Variants in LTBP1 observed in about 807,000 individuals in gnomAD.
LTBP1 encodes the protein latent transforming growth factor beta binding protein 1.
LTBP1 carries 129 observed loss-of-function variants against 207.6 expected under a neutral mutation model. The ratio of observed to expected loss-of-function variants is 0.62; its 90% CI spans 0.54 to 0.72. The LOEUF is 0.72. LTBP1 is among the 30% of genes least tolerant of loss of function. The pLI is 0.00. For missense variants in LTBP1, 2,281 were observed against 2,217.2 expected, an observed-to-expected ratio of 1.03 and a Z score of -0.58; for synonymous variants, 963 against 833.7, an observed-to-expected ratio of 1.16 and a Z score of -2.67.
chr2:33,351,600 C>T (rs2094782775), intron 26 of LTBP1, among the ~76,000 whole-genome samples: 1 of 152,186 alleles, frequency 6.6e-6, no homozygotes, highest in Non-Finnish European at 1.5e-5. Context: ...AACCGTTTTC[C>T]ATTTGACCTT....
intron 5 of LTBP1, among the ~76,000 whole-genome samples, chr2:33,162,178 G>C (rs2084526872): frequency 6.6e-6 from 1 of 152,202 alleles, no homozygotes; most frequent in Non-Finnish European, 1.5e-5. Context: ...TAAGGTACCA[G>C]AATAAAGGGT....
At chr2:33,242,585 T>G (rs927030121) in intron 9 of LTBP1, among the ~76,000 whole-genome samples, 1 of 152,048 alleles carries the variant, frequency 6.6e-6, no homozygotes, top group African/African-American at 2.4e-5. Flanking sequence ...TTTTTTTCCT[T>G]TTTTCTTAGA....
chr2:33,081,383 C>T (rs1302038883), intron 3 of LTBP1, among the ~76,000 whole-genome samples: 3 of 151,936 alleles, frequency 2.0e-5, no homozygotes, highest in Admixed American at 6.6e-5. Flanking sequence ...ACACATGTGC[C>T]CACATGTATG....
intron 3 of LTBP1, chr2:33,061,523 T>G (rs1003718323): frequency 6.6e-6 from 1 of 152,146 alleles, no homozygotes; most frequent in African/African-American, 2.4e-5. Context: ...TTCACCATAC[T>G]TTTCACTATT....
chr2:32,978,280 C>T (rs1450707994), intron 2 of LTBP1, among the ~76,000 whole-genome samples: 2 of 152,146 alleles, frequency 1.3e-5, no homozygotes. Context: ...AGTGGGCCTC[C>T]TTGTCTTGTT....
At chr2:33,227,423 T>C (rs1269155500) in intron 9 of LTBP1, among the ~76,000 whole-genome samples, 1 of 152,186 alleles carries the variant, frequency 6.6e-6, no homozygotes, top group Non-Finnish European at 1.5e-5. Context: ...ATCAGGAATT[T>C]GACAGTTTAA....
At chr2:33,173,444 G>T (rs141184522) in intron 5 of LTBP1, among the ~76,000 whole-genome samples, 65,539 of 151,910 alleles carry the variant, frequency 0.43, 14,864 homozygotes, top group Non-Finnish European at 0.5. Flanking sequence ...ACCCTCCCAA[G>T]ACTAAACCAG....
At chr2:33,144,021 G>C (rs2150832789) in intron 5 of LTBP1, among the ~76,000 whole-genome samples, 1 of 151,848 alleles carries the variant, frequency 6.6e-6, no homozygotes, top group East Asian at 1.9e-4. Flanking sequence ...TGGACTCCTT[G>C]GATTGACTGG....
chr2:32,992,179 G>A (rs1684518250), intron 2 of LTBP1, among the ~76,000 whole-genome samples: 1 of 152,190 alleles, frequency 6.6e-6, no homozygotes, highest in Admixed American at 6.5e-5. Context: ...GACACAAGAT[G>A]ACTTGGTTCC....
At chr2:33,083,113 T>C (rs2078539935) in intron 3 of LTBP1, among the ~76,000 whole-genome samples, 1 of 151,912 alleles carries the variant, frequency 6.6e-6, no homozygotes, top group South Asian at 2.1e-4. Context: ...TCCTGCTTGC[T>C]GCAGGTCTCT....
At chr2:33,375,263 T>C (rs910867336) in intron 31 of LTBP1, among the ~76,000 whole-genome samples, 1 of 152,222 alleles carries the variant, frequency 6.6e-6, no homozygotes, top group Admixed American at 6.5e-5. Context: ...GCAATTATTA[T>C]GAATCAAATC....
Position 33,134,760 on chromosome 2 carries a change from T to C in LTBP1, c.1034-33T>C. 1 of 1,614,114 alleles carries C rather than the reference T, an allele frequency of 6.2e-7. No homozygotes were observed. Among genetic ancestry groups the C allele is most frequent in the East Asian group, 2.2e-5 (1 of 44,884 alleles). ...TTCATGGATACTAAGCTGATGTGTT[T>C]GTTGTTCTTTTTCTCCCTGCCTCCG... On this transcript the variant is annotated intron_variant, in intron 4 of 33. Coordinates refer to ENST00000404816, the MANE Select transcript of LTBP1 (RefSeq NM_206943.4). This position sits in a 1 kb window ranked among gnomAD's most constrained non-coding sequence, Gnocchi z 4.4.
intron 5 of LTBP1, among the ~76,000 whole-genome samples, chr2:33,173,593 C>CCATTCCTTCTGAAACTATTCCAAT (rs2085698408): frequency 6.7e-6 from 1 of 149,510 alleles, no homozygotes; most frequent in Non-Finnish European, 1.5e-5. Context: ...GGAACTGGTA[C>CCATTCCTTCTGAAACTATTCCAAT]CATTCCTTCT....
chr2:33,174,100 C>G (rs2085762621), intron 5 of LTBP1, among the ~76,000 whole-genome samples: 2 of 147,514 alleles, frequency 1.4e-5, no homozygotes, highest in African/African-American at 4.9e-5. Flanking sequence ...TGGCACAAGA[C>G]AGGGATGCCC....
intron 3 of LTBP1, among the ~76,000 whole-genome samples, chr2:33,098,979 TAAG>T (rs1366999494): frequency 6.6e-6 from 1 of 152,226 alleles, no homozygotes; most frequent in African/African-American, 2.4e-5. Context: ...TGTTCTAGTA[TAAG>T]AAGATTTACT....
In LTBP1 at chr2:33,020,933, A is replaced by AT; in HGVS notation, c.591dup (p.Gly198TrpfsTer13). On this transcript the variant is annotated frameshift_variant, in exon 3 of 34. Coordinates refer to ENST00000404816, the MANE Select transcript of LTBP1 (RefSeq NM_206943.4). LOFTEE classifies it high-confidence loss of function. Reference sequence around the variant, plus strand: ...GCTAGCTGTGTTCCGCCATGTCAGAATGGAGGGATGTGTCTCCGGCCACAA... The same window carrying AT: ...GCTAGCTGTGTTCCGCCATGTCAGAATTGGAGGGATGTGTCTCCGGCCACAA... 1 of 1,593,124 alleles carries AT rather than the reference A, an allele frequency of 6.3e-7. No homozygotes were observed. Among genetic ancestry groups the AT allele is most frequent in the South Asian group, 1.1e-5 (1 of 88,896 alleles).
intron 3 of LTBP1, among the ~76,000 whole-genome samples, chr2:33,071,463 C>T (rs1399935032): frequency 6.6e-6 from 1 of 152,122 alleles, no homozygotes; most frequent in Non-Finnish European, 1.5e-5. Context: ...ATCTGGACTA[C>T]CAGGCAGTGG....
intron 22 of LTBP1, among the ~76,000 whole-genome samples, chr2:33,302,604 C>G (rs1409238560): frequency 6.6e-6 from 1 of 152,180 alleles, no homozygotes; most frequent in Non-Finnish European, 1.5e-5. Context: ...CCTCCTGCTG[C>G]TGGGAGTGTA....
chr2:33,377,932 G>A (rs2095162472), intron 31 of LTBP1, among the ~76,000 whole-genome samples: 1 of 152,086 alleles, frequency 6.6e-6, no homozygotes, highest in Admixed American at 6.5e-5. Flanking sequence ...CAGCGTGGGG[G>A]AAACTGCCCC....
Sources: allele counts gnomAD v4.1 joint callset (sites outside exome capture counted in the v4.1 genomes callset), GRCh38; gene constraint gnomAD v4.1.1; non-coding constraint Gnocchi (gnomAD v3.1); transcripts MANE v1.5; gene names NCBI Gene and HGNC (gene_info 2026-07-23, HGNC 2026-07-21).